Variants in CACNA1A observed in about 807,000 individuals in gnomAD.
The protein encoded by CACNA1A is voltage-dependent P/Q-type calcium channel subunit alpha-1A.
Under a neutral mutation model 262.4 loss-of-function variants are expected in CACNA1A, and 57 were observed. The ratio of observed to expected loss-of-function variants is 0.22; its 90% CI spans 0.18 to 0.27. The LOEUF is 0.27. Among genes scored for constraint, CACNA1A ranks in the 10% least tolerant of loss-of-function variants. CACNA1A has a pLI of 1.00. For missense variants in CACNA1A, 2,526 were observed against 3,562.8 expected (o/e 0.71, Z 7.41); for synonymous variants, 1,431 against 1,419.3 (o/e 1.01, Z -0.18).
chr19:13,351,089 T>C (rs1220676848), intron 6 of CACNA1A, among the ~76,000 whole-genome samples: 1 of 152,136 alleles, frequency 6.6e-6, no homozygotes, highest in Non-Finnish European at 1.5e-5. Context: ...ATACTAATCT[T>C]CATCATTTGG....
Position 13,385,226 on chromosome 19 carries a change from C to CTTTTT in CACNA1A, c.540-13448_540-13447insAAAAA, listed in dbSNP as rs200379554. On this transcript the variant is annotated intron_variant, in intron 3 of 46. Transcript: ENST00000360228. ...GTAGGGCAGATATTTTCTATTCTTTCTTTCTTTTTTTTTTTTTTTTTGAGA... is the reference window on the plus strand; with the variant it reads ...GTAGGGCAGATATTTTCTATTCTTTCTTTTTTTTCTTTTTTTTTTTTTTTTTGAGA... Among the ~76,000 whole-genome samples the CTTTTT allele has an allele frequency of 5.9e-3, 809 of 137,412 alleles. 21 individuals are homozygous for CTTTTT. Among genetic ancestry groups the CTTTTT allele is most frequent in the African/African-American group, 0.021 (748 of 36,064 alleles). The allele number at this position is 137,412 out of a possible 152,430, so 90.1% of individuals were successfully genotyped here.
Position 13,214,482 on chromosome 19 carries a change from G to A in CACNA1A, c.5839+19C>T. The A allele has an allele frequency of 6.3e-7, 1 of 1,597,178 alleles. No individual in the cohort carries two copies. Among genetic ancestry groups the A allele is most frequent in the Middle Eastern group, 1.7e-4 (1 of 6,038 alleles). ...TCTGTCCTGGTGGATTGGATCCCAG[G>A]GCTGGGCTCAGCTCTTACACTTGTG... is the stretch of plus-strand genomic sequence containing the variant. On this transcript the variant is annotated intron_variant, in intron 39 of 46. Coordinates refer to ENST00000360228, the MANE Select transcript of CACNA1A (RefSeq NM_001127222.2). This position sits in a 1 kb window ranked among gnomAD's most constrained non-coding sequence, Gnocchi z 4.1.
chr19:13,313,498 T>TAAAAAA (rs1007419624), intron 11 of CACNA1A, among the ~76,000 whole-genome samples: 5 of 65,732 alleles, frequency 7.6e-5, no homozygotes, highest in Admixed American at 1.9e-4. Flanking sequence ...AGACCTTGTC[T>TAAAAAA]AAAAAAAAAA....
chr19:13,422,561 A>G (rs2144789514), intron 3 of CACNA1A, among the ~76,000 whole-genome samples: 1 of 152,366 alleles, frequency 6.6e-6, no homozygotes, highest in Non-Finnish European at 1.5e-5. Flanking sequence ...TGGCTCCTGG[A>G]AAGAATATCT....
At chr19:13,350,172 T>C (rs4926277) in intron 6 of CACNA1A, among the ~76,000 whole-genome samples, 15,452 of 152,232 alleles carry the variant, frequency 0.1, 907 homozygotes, top group Admixed American at 0.17. Context: ...GCCCAGCCAG[T>C]ACCCCAATCC....
At chr19:13,448,731 G>A (rs1376672833) in intron 3 of CACNA1A, among the ~76,000 whole-genome samples, 1 of 152,118 alleles carries the variant, frequency 6.6e-6, no homozygotes, top group Non-Finnish European at 1.5e-5. Context: ...GGAGAAAGCA[G>A]GGACACTTTG....
Position 13,506,320 on chromosome 19 carries a change from G to T in CACNA1A, c.-96C>A. ...CGCCGCTGATGCTGAGGCTGCCGGGGCTGGGAGCGCGGCGGCTGGAGCTAC... is the reference window on the plus strand; with the variant it reads ...CGCCGCTGATGCTGAGGCTGCCGGGTCTGGGAGCGCGGCGGCTGGAGCTAC... On this transcript the variant is annotated 5_prime_UTR_variant, in exon 1 of 47. Coordinates refer to ENST00000360228, the MANE Select transcript of CACNA1A (RefSeq NM_001127222.2). 5 of 1,171,512 alleles carry T rather than the reference G, an allele frequency of 4.3e-6. No homozygotes were observed. The highest frequency in any genetic ancestry group is 2.0e-5 in the South Asian group (1 of 50,224). 72.6% of individuals were successfully genotyped at this position (1,171,512 alleles called of 1,614,324 possible). A position where few individuals can be genotyped will look rare whatever the true frequency, so the allele number is the denominator to read the frequency against.
intron 1 of CACNA1A, among the ~76,000 whole-genome samples, chr19:13,504,124 C>T (rs992802620): frequency 2.0e-5 from 3 of 152,160 alleles, no homozygotes; most frequent in Non-Finnish European, 2.9e-5. Context: ...CCCTCTCACT[C>T]CTGGAGCTAA....
chr19:13,274,129 T>G (rs2057091942), intron 24 of CACNA1A: 1 of 150,296 alleles, frequency 6.7e-6, no homozygotes, highest in Non-Finnish European at 1.5e-5. Context: ...AAGAAAAGAG[T>G]AAACGAACAA....
At chr19:13,343,913 C>T in intron 6 of CACNA1A, among the ~76,000 whole-genome samples, 1 of 152,110 alleles carries the variant, frequency 6.6e-6, no homozygotes, top group East Asian at 1.9e-4. Flanking sequence ...CAAATACCTA[C>T]ATCACAAAAA....
At chr19:13,413,255 C>T (rs555443616) in intron 3 of CACNA1A, among the ~76,000 whole-genome samples, 4 of 151,670 alleles carry the variant, frequency 2.6e-5, no homozygotes, top group Admixed American at 6.6e-5. Flanking sequence ...TACAGGCGCC[C>T]GCCACCATAC....
chr19:13,342,203 C>A (rs2058686825), intron 6 of CACNA1A, among the ~76,000 whole-genome samples: 1 of 151,706 alleles, frequency 6.6e-6, no homozygotes, highest in Non-Finnish European at 1.5e-5. Context: ...GATGAGCTTT[C>A]CCTGGTTTGG....
chr19:13,280,663 G>A (rs924413625), intron 22 of CACNA1A, among the ~76,000 whole-genome samples: 2 of 151,918 alleles, frequency 1.3e-5, no homozygotes, highest in African/African-American at 4.8e-5. Flanking sequence ...CTCATTGACC[G>A]GGCGTGGTGG....
chr19:13,208,570 G>T (rs538785413), intron 46 of CACNA1A, among the ~76,000 whole-genome samples, 186 bp downstream of exon 46: 49 of 152,128 alleles, frequency 3.2e-4, no homozygotes, highest in African/African-American at 1.0e-3. Context: ...ATAGGCAGCT[G>T]GTGTGGTGGG....
intron 22 of CACNA1A, among the ~76,000 whole-genome samples, chr19:13,279,594 T>C (rs10417244): frequency 0.063 from 9,661 of 152,150 alleles, 357 homozygotes; most frequent in African/African-American, 0.1. Context: ...CAAGCAATTC[T>C]TCTGCCTCAG....
chr19:13,320,444 A>G (rs757492402), intron 10 of CACNA1A, among the ~76,000 whole-genome samples: 1 of 152,216 alleles, frequency 6.6e-6, no homozygotes, highest in Non-Finnish European at 1.5e-5. Context: ...GAATTAATAC[A>G]TCTTAGCGTG....
At chr19:13,238,653 T>A (rs2055962575) in intron 31 of CACNA1A, among the ~76,000 whole-genome samples, 2 of 151,138 alleles carry the variant, frequency 1.3e-5, no homozygotes, top group Admixed American at 1.3e-4. Flanking sequence ...TGGCACGACC[T>A]CGGCTCACTG....
Position 13,496,074 on chromosome 19 carries a change from AT to A in CACNA1A, c.293+9857del, listed in dbSNP as rs1248460709. Among the ~76,000 whole-genome samples, 19 of 148,240 alleles carry A rather than the reference AT, an allele frequency of 1.3e-4. 1 individual carries two copies. In the East Asian group the frequency reaches 3.7e-3, roughly 29 times the overall value. On this transcript the variant is annotated intron_variant, in intron 1 of 46. Coordinates refer to ENST00000360228, the MANE Select transcript of CACNA1A (RefSeq NM_001127222.2). ...CATCCATCCATCCATCCATCCATCC[AT>A]CCATCCATCCATCCACCCAGACATC...
chr19:13,348,800 T>C (rs1274354008), intron 6 of CACNA1A, among the ~76,000 whole-genome samples: 1 of 151,888 alleles, frequency 6.6e-6, no homozygotes, highest in Non-Finnish European at 1.5e-5. Context: ...CACGCCACTG[T>C]ACTCCAGCCT....
Sources: gnomAD v4.1 joint callset for allele counts (sites outside exome capture counted in the v4.1 genomes callset) on GRCh38, gnomAD v4.1.1 for gene constraint, Gnocchi (gnomAD v3.1) non-coding constraint, MANE v1.5 for transcripts, NCBI Gene and HGNC (gene_info 2026-07-23, HGNC 2026-07-21) for gene names.